CTNNA3: variants seen among roughly 807,000 people sequenced by gnomAD.
The protein encoded by CTNNA3 is catenin alpha 3.
In CTNNA3, 76 loss-of-function variants were observed where a neutral mutation model predicts 95.7. The ratio of observed to expected loss-of-function variants is 0.79; its 90% CI spans 0.66 to 0.96. The LOEUF (loss-of-function observed/expected upper bound fraction) is 0.96, where lower values mean the gene tolerates loss of function less well. CTNNA3 is among the 40% of genes least tolerant of loss of function. The pLI, the probability that CTNNA3 is intolerant of heterozygous loss-of-function variation, is 0.00. For synonymous variants in CTNNA3, 431 were observed against 374.4 expected, an observed-to-expected ratio of 1.15 and a Z score of -1.74; for missense variants, 1,191 against 1,089.8, an observed-to-expected ratio of 1.09 and a Z score of -1.31.
intron 5 of CTNNA3, among the ~76,000 whole-genome samples, chr10:67,518,904 C>T (rs1839901120): frequency 6.6e-6 from 1 of 152,080 alleles, no homozygotes; most frequent in Non-Finnish European, 1.5e-5. Flanking sequence ...TAGTAAGAAC[C>T]AAAAGAGTGT....
intron 1 of CTNNA3, among the ~76,000 whole-genome samples, chr10:67,683,060 G>A (rs1840657490): frequency 6.6e-6 from 1 of 152,144 alleles, no homozygotes; most frequent in Admixed American, 6.5e-5. Context: ...AAGCAGAGGA[G>A]AATACATGGA....
At chr10:65,985,903 T>C (rs1221313158) in intron 16 of CTNNA3, among the ~76,000 whole-genome samples, 1 of 151,590 alleles carries the variant, frequency 6.6e-6, no homozygotes, top group Non-Finnish European at 1.5e-5. Flanking sequence ...AACAATCCAG[T>C]TATAACTTTT....
chr10:67,558,128 T>C (rs569401747), intron 3 of CTNNA3, among the ~76,000 whole-genome samples: 1 of 152,324 alleles, frequency 6.6e-6, no homozygotes, highest in South Asian at 2.1e-4. Context: ...TACCTCATCC[T>C]TACAAGTCTC....
intron 6 of CTNNA3, among the ~76,000 whole-genome samples, chr10:67,206,592 A>G (rs1289715587): frequency 6.6e-6 from 1 of 152,046 alleles, no homozygotes; most frequent in East Asian, 1.9e-4. Flanking sequence ...GGGAGGAAGA[A>G]AAACAAAGAA....
chr10:66,658,814 C>T (rs1294477384), intron 9 of CTNNA3, among the ~76,000 whole-genome samples: 1 of 152,148 alleles, frequency 6.6e-6, no homozygotes, highest in African/African-American at 2.4e-5. Context: ...ACACCTCAGC[C>T]ACCTGAGTAG....
chr10:67,082,110 C>T (rs1003056351), intron 7 of CTNNA3, among the ~76,000 whole-genome samples: 9 of 152,144 alleles, frequency 5.9e-5, no homozygotes, highest in African/African-American at 2.2e-4. Context: ...AACCAATTTT[C>T]TTTCAATGCT....
intron 8 of CTNNA3, among the ~76,000 whole-genome samples, chr10:66,773,780 A>G (rs1195872993): frequency 6.6e-6 from 1 of 152,220 alleles, no homozygotes; most frequent in Non-Finnish European, 1.5e-5. Context: ...AGATGGGAGT[A>G]TCTTCTTACT....
intron 3 of CTNNA3, among the ~76,000 whole-genome samples, chr10:67,543,376 G>T (rs1175574709): frequency 6.6e-6 from 1 of 151,920 alleles, no homozygotes; most frequent in African/African-American, 2.4e-5. Context: ...CAAAAAAATT[G>T]TTGGCCAAAT....
chr10:66,486,960 C>T (rs147420366), intron 11 of CTNNA3, among the ~76,000 whole-genome samples: 7 of 152,114 alleles, frequency 4.6e-5, no homozygotes, highest in African/African-American at 1.2e-4. Context: ...AAGGGCAAAT[C>T]TTGTATGATC....
At chr10:66,214,548 G>C (rs1452448706) in intron 13 of CTNNA3, among the ~76,000 whole-genome samples, 1 of 151,972 alleles carries the variant, frequency 6.6e-6, no homozygotes, top group African/African-American at 2.4e-5. Context: ...GTTGTCTCCT[G>C]TCTTATAAGA....
intron 12 of CTNNA3, among the ~76,000 whole-genome samples, chr10:66,330,167 A>G (rs2092306997): frequency 6.6e-6 from 1 of 151,936 alleles, no homozygotes; most frequent in African/African-American, 2.4e-5. Flanking sequence ...TGCTGCATCC[A>G]TTAACTCGTC....
chr10:66,103,993 C>T (rs994219209), intron 13 of CTNNA3, among the ~76,000 whole-genome samples: 13 of 152,064 alleles, frequency 8.5e-5, no homozygotes, highest in Non-Finnish European at 1.8e-4. Context: ...TACTGCAAAC[C>T]AAGATGCTTA....
intron 5 of CTNNA3, among the ~76,000 whole-genome samples, chr10:67,361,585 G>A (rs1305444619): frequency 6.6e-6 from 1 of 152,060 alleles, no homozygotes; most frequent in Non-Finnish European, 1.5e-5. Flanking sequence ...TGAAAACAGA[G>A]ATACAACATA....
At chr10:66,964,916 A>G (rs1849317211) in intron 7 of CTNNA3, among the ~76,000 whole-genome samples, 1 of 152,226 alleles carries the variant, frequency 6.6e-6, no homozygotes, top group African/African-American at 2.4e-5. Context: ...GTGTTTAGAA[A>G]CATTTTACAC....
At chr10:67,152,527 CTT>C (rs1389756771) in intron 7 of CTNNA3, among the ~76,000 whole-genome samples, 1 of 152,036 alleles carries the variant, frequency 6.6e-6, no homozygotes, top group Non-Finnish European at 1.5e-5. Context: ...AAGATGGTGA[CTT>C]ATGAAATGAC....
intron 3 of CTNNA3, among the ~76,000 whole-genome samples, chr10:67,593,074 G>C (rs922252139): frequency 2.6e-5 from 4 of 152,120 alleles, no homozygotes; most frequent in Non-Finnish European, 4.4e-5. Context: ...GTGATATTTG[G>C]TTCTCTGTTC....
chr10:66,630,016 C>T (rs1450543640), intron 9 of CTNNA3, among the ~76,000 whole-genome samples: 2 of 152,124 alleles, frequency 1.3e-5, no homozygotes, highest in Admixed American at 1.3e-4. Flanking sequence ...ATTATATGTT[C>T]ACTGGGAAGA....
Position 66,063,265 on chromosome 10 carries a change from T to TTTA in CTNNA3, c.2159+6040_2159+6042dup, listed in dbSNP as rs570912882. Reference sequence around the variant, plus strand: ...ATAGATAGATAGATCTATATATAGATTTATATATCCAGTTGGATATGTATG... The same window carrying TTTA: ...ATAGATAGATAGATCTATATATAGATTTATTATATATCCAGTTGGATATGTATG... On this transcript the variant is annotated intron_variant, in intron 15 of 17. Transcript: ENST00000433211. Among the ~76,000 whole-genome samples, 286 of 148,180 alleles carry TTTA rather than the reference T, an allele frequency of 1.9e-3. 1 individual carries two copies. The highest frequency in any genetic ancestry group is 6.5e-3 in the African/African-American group (264 of 40,776).
chr10:66,053,764 G>C (rs2080012971), intron 15 of CTNNA3, among the ~76,000 whole-genome samples: 1 of 151,958 alleles, frequency 6.6e-6, no homozygotes. Context: ...TTTGTGTTAG[G>C]AATATTTTAA....
Sources: allele counts gnomAD v4.1 joint callset (sites outside exome capture counted in the v4.1 genomes callset), GRCh38; gene constraint gnomAD v4.1.1; transcripts MANE v1.5; gene names NCBI Gene and HGNC (gene_info 2026-07-23, HGNC 2026-07-21).